Variants in AK9 observed in about 807,000 individuals in gnomAD.
AK9 encodes the protein adenylate kinase domain containing 1.
AK9 carries 191 observed loss-of-function variants against 239.6 expected under a neutral mutation model. That is an observed-to-expected ratio of 0.80 (90% CI 0.71 to 0.90). The LOEUF (loss-of-function observed/expected upper bound fraction) is 0.90. Ranked by LOEUF, AK9 falls within the 40% of genes least tolerant of loss-of-function variation. The pLI is 0.00. For missense variants in AK9, 1,995 were observed against 2,214.7 expected, an observed-to-expected ratio of 0.90 and a Z score of 1.99; for synonymous variants, 689 against 721.0, an observed-to-expected ratio of 0.96 and a Z score of 0.71.
chr6:109,561,391 C>A (rs778079696), intron 24 of AK9, among the ~76,000 whole-genome samples: 2 of 152,194 alleles, frequency 1.3e-5, no homozygotes, highest in African/African-American at 4.8e-5. Context: ...TCTCAGCTCA[C>A]TGAAGCCTCG....
At chr6:109,627,614 G>C (rs1795694875) in intron 12 of AK9, among the ~76,000 whole-genome samples, 2 of 152,070 alleles carry the variant, frequency 1.3e-5, no homozygotes, top group Non-Finnish European at 2.9e-5. Context: ...GACCACTGTT[G>C]CATATGCAGC....
chr6:109,535,963 A>C lies in AK9; in HGVS notation c.3351-2493T>G, dbSNP rs1781926994. 2.0e-5 allele frequency among the ~76,000 whole-genome samples: 3 copies of C among 152,084 alleles called. No homozygotes were observed. In the South Asian group the frequency reaches 6.2e-4, roughly 32 times the overall value. ...GGGCTCTGTTGTGTTCCATTGGTCT[A>C]TATGTCTGTTTTGGTACCAGTACCA... On this transcript the variant is annotated intron_variant, in intron 27 of 40. Transcript: ENST00000424296.
chr6:109,566,952 C>T (rs562594930), intron 21 of AK9, among the ~76,000 whole-genome samples: 2 of 152,310 alleles, frequency 1.3e-5, no homozygotes, highest in Non-Finnish European at 2.9e-5. Context: ...AAAGTTATAA[C>T]ACTAAATGCC....
rs560734793 is a variant in AK9 at position 109,587,350 on chromosome 6, A to G, written c.1843-1278T>C. On this transcript the variant is annotated intron_variant, in intron 17 of 40. Transcript: ENST00000424296. The stretch of plus-strand genomic sequence containing the variant: ...TTGAGATATAACTTATAATTTCTCC[A>G]CCTCATTCAACTTTATTTATTTGTT... 2.6e-5 allele frequency among the ~76,000 whole-genome samples: 4 copies of G among 152,278 alleles called. No individual in the cohort carries two copies. In the South Asian group the frequency reaches 8.3e-4, roughly 32 times the overall value.
intron 24 of AK9, among the ~76,000 whole-genome samples, chr6:109,559,175 T>TTTG (rs746586661): frequency 9.3e-4 from 140 of 150,884 alleles, no homozygotes; most frequent in Middle Eastern, 3.4e-3. Context: ...CTGTTTTTTT[T>TTTG]TTTGTTTTTT....
chr6:109,618,027 C>CT (rs1259041074), intron 13 of AK9, among the ~76,000 whole-genome samples: 17 of 152,164 alleles, frequency 1.1e-4, no homozygotes, highest in African/African-American at 3.6e-4. Flanking sequence ...TAGCTCCAGC[C>CT]TGTAGTAAAT....
intron 28 of AK9, among the ~76,000 whole-genome samples, 172 bp downstream of exon 28, chr6:109,533,079 G>A (rs1046755874): frequency 6.6e-6 from 1 of 152,090 alleles, no homozygotes; most frequent in African/African-American, 2.4e-5. Flanking sequence ...CACCACAAAA[G>A]CCTGAAATAA....
At chr6:109,683,652 G>T (rs1347879079) in intron 1 of AK9, among the ~76,000 whole-genome samples, 4 of 152,158 alleles carry the variant, frequency 2.6e-5, no homozygotes, top group African/African-American at 9.7e-5. Context: ...ATTCACAATT[G>T]CTACAAAGAG....
At chr6:109,537,643 C>G (rs993294371) in intron 27 of AK9, among the ~76,000 whole-genome samples, 6 of 151,314 alleles carry the variant, frequency 4.0e-5, no homozygotes, top group African/African-American at 1.2e-4. Flanking sequence ...TTGCCTTCTG[C>G]TAGCTTTTCA....
intron 25 of AK9, among the ~76,000 whole-genome samples, chr6:109,549,482 C>G (rs1784033665): frequency 6.6e-6 from 1 of 152,120 alleles, no homozygotes; most frequent in South Asian, 2.1e-4. Context: ...ACTGGCCTCA[C>G]TATAGTAAGG....
At chr6:109,550,033 A>C in intron 25 of AK9, 57 bp downstream of exon 25, 1 of 1,527,366 alleles carries the variant, frequency 6.5e-7, no homozygotes, top group Non-Finnish European at 9.0e-7. Context: ...GGTGATTGGT[A>C]ATCAGTCCCA....
At position 109,671,942 on chromosome 6, in the gene AK9, T is replaced by C. The variant is rs376163411; in HGVS notation, c.308A>G (p.Asn103Ser). 16 of 1,613,742 alleles carry C rather than the reference T, an allele frequency of 9.9e-6. No homozygotes were observed. In the African/African-American group the frequency reaches 1.2e-4, roughly 12 times the overall value. The change falls in exon 5 of 41, where the codon AAC (asparagine) becomes AGC (serine). Residue 103 changes from asparagine to serine, a missense_variant. Physicochemically the swap from Asn to Ser is conservative, Grantham distance 46. Coordinates refer to ENST00000424296, the MANE Select transcript of AK9 (RefSeq NM_001145128.3). ...LVIKLMLEKL[N>S]SPEVCHFGYI... ...ACCAAAGTGACAGACTTCTGGGGAGTTGAGCTTCTCCAACATTAGCTTTAT... is the reference window on the plus strand; with the variant it reads ...ACCAAAGTGACAGACTTCTGGGGAGCTGAGCTTCTCCAACATTAGCTTTAT...
At chr6:109,571,214 A>T (rs773960101) in intron 21 of AK9, among the ~76,000 whole-genome samples, 72 of 152,226 alleles carry the variant, frequency 4.7e-4, no homozygotes, top group Non-Finnish European at 9.0e-4. Flanking sequence ...GAGAAATCCA[A>T]ATGGAATTAT....
intron 2 of AK9, 108 bp from the exon 3 acceptor site, chr6:109,674,369 T>C (rs946606892): frequency 2.7e-6 from 2 of 734,110 alleles, no homozygotes; most frequent in Non-Finnish European, 4.1e-6. Context: ...ACATCAATGT[T>C]ATAATTTTTC....
At chr6:109,559,152 A>G (rs1234715972) in intron 24 of AK9, among the ~76,000 whole-genome samples, 2 of 146,062 alleles carry the variant, frequency 1.4e-5, no homozygotes, top group African/African-American at 2.5e-5. Context: ...ATACTCAGCC[A>G]TGGTATATCT....
chr6:109,566,334 A>C (rs1253949749), intron 21 of AK9, among the ~76,000 whole-genome samples: 2 of 152,104 alleles, frequency 1.3e-5, no homozygotes, highest in Non-Finnish European at 2.9e-5. Flanking sequence ...TGCTTCATCC[A>C]AGAATAAGTC....
At chr6:109,552,139 T>C (rs1404842869) in intron 24 of AK9, among the ~76,000 whole-genome samples, 3 of 152,212 alleles carry the variant, frequency 2.0e-5, no homozygotes, top group African/African-American at 7.2e-5. Flanking sequence ...GGCATTTGGG[T>C]TGGTTCCATG....
chr6:109,654,067 A>T (rs1230270339), intron 8 of AK9, among the ~76,000 whole-genome samples: 1 of 152,104 alleles, frequency 6.6e-6, no homozygotes, highest in African/African-American at 2.4e-5. Context: ...CTCATGACTC[A>T]AGGATGGCTC....
intron 8 of AK9, among the ~76,000 whole-genome samples, chr6:109,645,314 G>C (rs4946999): frequency 0.58 from 88,583 of 152,054 alleles, 27,491 homozygotes; most frequent in South Asian, 0.84. Context: ...CCAAGGGAAA[G>C]TGTTTCCAAG....
Sources: gnomAD v4.1 joint callset for allele counts (sites outside exome capture counted in the v4.1 genomes callset) on GRCh38, gnomAD v4.1.1 for gene constraint, MANE v1.5 for transcripts, NCBI Gene and HGNC (gene_info 2026-07-23, HGNC 2026-07-21) for gene names.